PHACTR1: variants seen among roughly 807,000 people sequenced by gnomAD.
PHACTR1 encodes the protein RPEL repeat containing 1.
A neutral mutation model predicts 69.2 loss-of-function variants in PHACTR1; 16 were observed. The ratio of observed to expected loss-of-function variants is 0.23; its 90% confidence interval spans 0.16 to 0.35. The LOEUF is 0.35. PHACTR1 is among the 10% of genes least tolerant of loss of function. The pLI is 1.00. For synonymous variants in PHACTR1, 312 were observed against 284.5 expected (o/e 1.10, Z -0.97); for missense variants, 510 against 734.7 (o/e 0.69, Z 3.54).
At chr6:13,099,543 C>T (rs1041596142) in intron 5 of PHACTR1, among the ~76,000 whole-genome samples, 1 of 152,184 alleles carries the variant, frequency 6.6e-6, no homozygotes, top group African/African-American at 2.4e-5. Context: ...GTAGAGTGTT[C>T]CTGTTTTCAT....
chr6:12,921,899 G>C (rs570580301), intron 4 of PHACTR1, among the ~76,000 whole-genome samples: 1 of 142,344 alleles, frequency 7.0e-6, no homozygotes, highest in South Asian at 2.3e-4. Flanking sequence ...TTGCATCTCA[G>C]TGTTGTCTGG....
At chr6:12,749,192 G>T (rs1420731309) in intron 3 of PHACTR1, among the ~76,000 whole-genome samples, 1 of 152,256 alleles carries the variant, frequency 6.6e-6, no homozygotes, top group Non-Finnish European at 1.5e-5. Context: ...GGCAGCGTAA[G>T]CGCGTTTGGC....
chr6:12,910,496 A>G (rs953839176), intron 4 of PHACTR1, among the ~76,000 whole-genome samples: 2 of 152,232 alleles, frequency 1.3e-5, no homozygotes, highest in African/African-American at 4.8e-5. Flanking sequence ...TTTTTTCTCT[A>G]GGAAAATGTA....
At chr6:13,184,428 TG>T (rs1162610459) in intron 7 of PHACTR1, among the ~76,000 whole-genome samples, 1 of 152,234 alleles carries the variant, frequency 6.6e-6, no homozygotes, top group Non-Finnish European at 1.5e-5. Flanking sequence ...CTGGGCCTTC[TG>T]CACTGGCCAC....
chr6:12,930,823 G>A (rs1233025894), intron 4 of PHACTR1, among the ~76,000 whole-genome samples: 1 of 152,004 alleles, frequency 6.6e-6, no homozygotes, highest in East Asian at 1.9e-4. Context: ...GGCCAAGGTG[G>A]GCAGATCACC....
chr6:13,003,963 A>ATATTTATATATATATATATATATATT, intron 4 of PHACTR1, among the ~76,000 whole-genome samples: 1 of 90,254 alleles, frequency 1.1e-5, no homozygotes, highest in Admixed American at 9.5e-5. Flanking sequence ...ATATATATAT[A>ATATTTATATATATATATATATATATT]TGTATATATA....
intron 5 of PHACTR1, among the ~76,000 whole-genome samples, chr6:13,159,747 C>T (rs1758705067): frequency 6.6e-6 from 1 of 152,206 alleles, no homozygotes; most frequent in Non-Finnish European, 1.5e-5. Flanking sequence ...CAAGACCATC[C>T]TGGCTCAAAC....
chr6:12,751,003 T>C (rs1366766956), intron 4 of PHACTR1, among the ~76,000 whole-genome samples: 1 of 151,856 alleles, frequency 6.6e-6, no homozygotes, highest in Non-Finnish European at 1.5e-5. Flanking sequence ...TGCGCGTGCG[T>C]GCGCGTGCAT....
intron 7 of PHACTR1, chr6:13,184,742 C>T: frequency 7.6e-7 from 1 of 1,310,006 alleles, no homozygotes. Context: ...CCCCGCTGGC[C>T]CCGCCTGCAC....
At chr6:12,863,775 C>G (rs1781166922) in intron 4 of PHACTR1, among the ~76,000 whole-genome samples, 1 of 152,138 alleles carries the variant, frequency 6.6e-6, no homozygotes, top group South Asian at 2.1e-4. Context: ...TTATGTTGCC[C>G]AGCATTTCAA....
chr6:12,753,686 A>G (rs573861281), intron 4 of PHACTR1, among the ~76,000 whole-genome samples: 15 of 152,254 alleles, frequency 9.9e-5, no homozygotes, highest in African/African-American at 3.6e-4. Flanking sequence ...ATGTCCACCA[A>G]GGATAGCTGT....
At chr6:12,769,219 T>C (rs1769068033) in intron 4 of PHACTR1, among the ~76,000 whole-genome samples, 1 of 152,178 alleles carries the variant, frequency 6.6e-6, no homozygotes, top group African/African-American at 2.4e-5. Context: ...ACTTTGAATG[T>C]TGTCACCACA....
intron 4 of PHACTR1, among the ~76,000 whole-genome samples, chr6:12,840,281 G>T (rs1396450120): frequency 2.0e-5 from 3 of 150,886 alleles, no homozygotes; most frequent in Admixed American, 2.0e-4. Context: ...ATTCATTCAA[G>T]AATGCATGGT....
chr6:12,732,114 G>A lies in PHACTR1; in HGVS notation c.103+13267G>A, dbSNP rs113804996. ...GAGGGAAACCTGCCCGAGTCTCCAC[G>A]GGAGTGTCTTACGATACACATAACT... On this transcript the variant is annotated intron_variant, in intron 3 of 14. Coordinates refer to ENST00000332995, the MANE Select transcript of PHACTR1 (RefSeq NM_030948.6). Among the ~76,000 whole-genome samples the A allele has an allele frequency of 2.5e-3, 383 of 151,992 alleles. 5 individuals carry two copies. Among genetic ancestry groups the A allele is most frequent in the African/African-American group, 8.2e-3 (339 of 41,438 alleles).
chr6:13,218,822 G>A (rs1768086976), intron 8 of PHACTR1, among the ~76,000 whole-genome samples: 1 of 145,708 alleles, frequency 6.9e-6, no homozygotes, highest in East Asian at 2.0e-4. Context: ...AGGAGGAGGA[G>A]GAGGAGAAAA....
intron 4 of PHACTR1, among the ~76,000 whole-genome samples, chr6:12,945,964 A>AAAATAAATAAATAAATAAAT (rs146460461): frequency 7.0e-6 from 1 of 142,338 alleles, no homozygotes; most frequent in African/African-American, 2.7e-5. Context: ...CTCTGTCTCA[A>AAAATAAATAAATAAATAAAT]AAATAAATAA....
At chr6:13,069,472 G>A (rs1010591197) in intron 5 of PHACTR1, among the ~76,000 whole-genome samples, 5 of 151,964 alleles carry the variant, frequency 3.3e-5, no homozygotes, top group Admixed American at 2.0e-4. Context: ...TGACACACAC[G>A]TCTTACCACT....
intron 5 of PHACTR1, among the ~76,000 whole-genome samples, chr6:13,070,443 T>A (rs777751125): frequency 7.2e-5 from 11 of 152,152 alleles, no homozygotes; most frequent in Non-Finnish European, 1.6e-4. Context: ...TACTTAGTTA[T>A]GCCTAATACC....
chr6:13,253,413 A>G, intron 10 of PHACTR1, among the ~76,000 whole-genome samples: 1 of 152,220 alleles, frequency 6.6e-6, no homozygotes, highest in East Asian at 1.9e-4. Context: ...TGAATAAATG[A>G]ATGAATGATG....
Sources: gnomAD v4.1 joint callset for allele counts (sites outside exome capture counted in the v4.1 genomes callset) on GRCh38, gnomAD v4.1.1 for gene constraint, MANE v1.5 for transcripts, NCBI Gene and HGNC (gene_info 2026-07-23, HGNC 2026-07-21) for gene names.